Variants in ZCCHC17 observed in about 807,000 individuals in gnomAD.
ZCCHC17 encodes the protein zinc finger CCHC domain-containing protein 17.
Under a neutral mutation model 30.6 loss-of-function variants are expected in ZCCHC17, and 18 were observed. The observed-to-expected ratio is 0.59, with a 90% confidence interval of 0.41 to 0.87. ZCCHC17 has a LOEUF of 0.87. Ranked by LOEUF, ZCCHC17 falls within the 40% of genes least tolerant of loss-of-function variation. The pLI, the probability that ZCCHC17 is intolerant of heterozygous loss-of-function variation, is 0.00. For synonymous variants in ZCCHC17, 88 were observed against 92.4 expected, an observed-to-expected ratio of 0.95 and a Z score of 0.27; for missense variants, 263 against 284.2, an observed-to-expected ratio of 0.93 and a Z score of 0.54.
intron 3 of ZCCHC17, among the ~76,000 whole-genome samples, chr1:31,322,379 TC>T (rs34537866): frequency 6.6e-6 from 1 of 152,020 alleles, no homozygotes; most frequent in African/African-American, 2.4e-5. Flanking sequence ...TCCCAGCACT[TC>T]CCCCCAAAGT....
intron 7 of ZCCHC17, among the ~76,000 whole-genome samples, chr1:31,350,091 G>T (rs189721534): frequency 6.6e-6 from 1 of 152,216 alleles, no homozygotes; most frequent in Admixed American, 6.5e-5. Context: ...TATTATTGTG[G>T]TCCAGAAAGA....
chr1:31,345,637 A>G (rs1191037775), intron 5 of ZCCHC17, among the ~76,000 whole-genome samples: 9 of 53,440 alleles, frequency 1.7e-4, no homozygotes, highest in Non-Finnish European at 3.2e-4. Flanking sequence ...TATAAAGAAA[A>G]GAGGTTTAAT....
intron 3 of ZCCHC17, among the ~76,000 whole-genome samples, chr1:31,329,615 G>A (rs78475172): frequency 1.3e-5 from 2 of 152,202 alleles, no homozygotes; most frequent in African/African-American, 2.4e-5. Flanking sequence ...TTAGAGTGGC[G>A]TGTAATAAAA....
At chr1:31,341,696 A>ATGACTT (rs1263519720) in intron 5 of ZCCHC17, among the ~76,000 whole-genome samples, 7 of 152,226 alleles carry the variant, frequency 4.6e-5, no homozygotes, top group Admixed American at 1.3e-4. Flanking sequence ...AAACTAATAT[A>ATGACTT]TGACTTTGAG....
At chr1:31,297,206 C>T (rs1646183914) in intron 1 of ZCCHC17, 131 bp downstream of exon 1, 2 of 400,770 alleles carry the variant, frequency 5.0e-6, no homozygotes, top group Non-Finnish European at 8.8e-6. Context: ...CCCGAGTCCC[C>T]AGCTGTGGTA....
At chr1:31,316,405 A>G (rs1646734235) in intron 2 of ZCCHC17, among the ~76,000 whole-genome samples, 1 of 152,142 alleles carries the variant, frequency 6.6e-6, no homozygotes, top group African/African-American at 2.4e-5. Context: ...CCTGACCCAG[A>G]TGCTACTTTT....
chr1:31,341,709 GATTA>G (rs767169552), intron 5 of ZCCHC17, among the ~76,000 whole-genome samples: 9 of 152,176 alleles, frequency 5.9e-5, no homozygotes, highest in Non-Finnish European at 1.3e-4. Context: ...ACTTTGAGCA[GATTA>G]ATTAGTCTAT....
intron 7 of ZCCHC17, among the ~76,000 whole-genome samples, chr1:31,354,725 T>A (rs1368229750): frequency 6.6e-6 from 1 of 152,186 alleles, no homozygotes; most frequent in Admixed American, 6.5e-5. Context: ...GTATTTCAGT[T>A]CACAAAACCA....
intron 2 of ZCCHC17, among the ~76,000 whole-genome samples, chr1:31,315,081 T>C (rs1315414568): frequency 6.6e-6 from 1 of 152,246 alleles, no homozygotes; most frequent in Non-Finnish European, 1.5e-5. Context: ...CTGTCTTGTA[T>C]TATTATTACT....
At chr1:31,307,232 C>A (rs1302530381) in intron 1 of ZCCHC17, among the ~76,000 whole-genome samples, 1 of 151,734 alleles carries the variant, frequency 6.6e-6, no homozygotes, top group Non-Finnish European at 1.5e-5. Context: ...CTTAGCTTCC[C>A]ACGATTACAG....
intron 1 of ZCCHC17, among the ~76,000 whole-genome samples, chr1:31,305,082 A>G (rs904572331): frequency 6.6e-6 from 1 of 152,096 alleles, no homozygotes; most frequent in African/African-American, 2.4e-5. Flanking sequence ...ATCAGTAATA[A>G]TTGACCTTTG....
chr1:31,329,148 C>T (rs560161784), intron 3 of ZCCHC17, among the ~76,000 whole-genome samples: 2 of 152,284 alleles, frequency 1.3e-5, no homozygotes, highest in African/African-American at 4.8e-5. Context: ...TAACAGAATA[C>T]ACTCCTATCA....
chr1:31,337,118 G>C (rs1569862556), intron 3 of ZCCHC17, 57 bp from the exon 4 acceptor site: 3 of 1,482,100 alleles, frequency 2.0e-6, no homozygotes, highest in East Asian at 4.6e-5. Flanking sequence ...ATCCAGTTTA[G>C]AGTATAAATA....
chr1:31,362,367 A>G (rs540306844), intron 7 of ZCCHC17, among the ~76,000 whole-genome samples: 63 of 152,230 alleles, frequency 4.1e-4, no homozygotes, highest in African/African-American at 1.4e-3. Context: ...TTCTCCTCCC[A>G]TACTTTCTCC....
At chr1:31,358,854 TTTATG>T (rs2148482023) in intron 7 of ZCCHC17, among the ~76,000 whole-genome samples, 1 of 152,302 alleles carries the variant, frequency 6.6e-6, no homozygotes, top group African/African-American at 2.4e-5. Context: ...ATAGATGGTA[TTTATG>T]TTCATGAGAT....
At chr1:31,353,505 C>T (rs557503729) in intron 7 of ZCCHC17, among the ~76,000 whole-genome samples, 11 of 152,086 alleles carry the variant, frequency 7.2e-5, no homozygotes, top group South Asian at 2.1e-4. Flanking sequence ...TTAAGTTAAA[C>T]TTACCTTTTT....
chr1:31,342,252 C>G (rs947511289), intron 5 of ZCCHC17, among the ~76,000 whole-genome samples: 1 of 152,048 alleles, frequency 6.6e-6, no homozygotes, highest in Admixed American at 6.6e-5. Context: ...ACCATGTTGA[C>G]CAGGCAGGTG....
chr1:31,318,207 A>G (rs968381330), intron 2 of ZCCHC17: 36 of 1,535,244 alleles, frequency 2.3e-5, no homozygotes, highest in African/African-American at 8.2e-5. Context: ...GAAGCAGCTA[A>G]TTGAAGACAC....
At chr1:31,327,513 A>G (rs1183063586) in intron 3 of ZCCHC17, among the ~76,000 whole-genome samples, 1 of 152,178 alleles carries the variant, frequency 6.6e-6, no homozygotes, top group Non-Finnish European at 1.5e-5. Context: ...TCTAGAAACA[A>G]TTCATAAGCT....
Sources: gnomAD v4.1 joint callset for allele counts (sites outside exome capture counted in the v4.1 genomes callset) on GRCh38, gnomAD v4.1.1 for gene constraint, MANE v1.5 for transcripts, NCBI Gene and HGNC (gene_info 2026-07-23, HGNC 2026-07-21) for gene names.